NUDT3: variants seen among roughly 807,000 people sequenced by gnomAD.
NUDT3 encodes the protein nudix hydrolase 3, also known as diphosphoinositol polyphosphate phosphohydrolase 1.
Under a neutral mutation model 23.6 loss-of-function variants are expected in NUDT3, and 9 were observed. The observed-to-expected ratio is 0.38, with a 90% CI of 0.23 to 0.66. NUDT3 has a LOEUF of 0.66. NUDT3 is among the 30% of genes least tolerant of loss of function. NUDT3 has a pLI of 0.52. For synonymous variants in NUDT3, 86 were observed against 82.6 expected (o/e 1.04, Z -0.22); for missense variants, 172 against 218.5 (o/e 0.79, Z 1.34).
intron 1 of NUDT3, among the ~76,000 whole-genome samples, chr6:34,374,709 T>G (rs1186586209): frequency 1.3e-5 from 2 of 152,228 alleles, no homozygotes; most frequent in African/African-American, 4.8e-5. Context: ...CATTTCACTG[T>G]ATCATCATCA....
At position 34,282,306 on chromosome 6, in the gene NUDT3, A is replaced by G. The variant is rs10648; in HGVS notation, c.*6447T>C. On this transcript the variant is annotated 3_prime_UTR_variant, in exon 5 of 5. Coordinates refer to ENST00000607016, the MANE Select transcript of NUDT3 (RefSeq NM_006703.4). ...TTCAATTCAGCACCAAAGTGCTCAG[A>G]AAGACAGGCTCAGATCAGGACGACT... The G allele has an allele frequency of 0.097, 14,788 of 152,242 alleles. 819 individuals carry two copies. The highest frequency in any genetic ancestry group is 0.12 in the Non-Finnish European group (8,220 of 68,002). 9.4% of individuals were successfully genotyped at this position (152,242 alleles called of 1,614,324 possible).
intron 2 of NUDT3, among the ~76,000 whole-genome samples, chr6:34,338,243 G>A (rs919538938): frequency 6.6e-6 from 1 of 152,130 alleles, no homozygotes; most frequent in Non-Finnish European, 1.5e-5. Context: ...TCCCTTATGT[G>A]GGGATAACAT....
At chr6:34,312,096 C>T (rs1426928325) in intron 2 of NUDT3, among the ~76,000 whole-genome samples, 2 of 152,014 alleles carry the variant, frequency 1.3e-5, no homozygotes, top group Non-Finnish European at 2.9e-5. Context: ...AAATAGAAAA[C>T]ACCTATTAGG....
intron 2 of NUDT3, among the ~76,000 whole-genome samples, chr6:34,325,808 A>G (rs1396485893): frequency 6.6e-6 from 1 of 152,254 alleles, no homozygotes; most frequent in Non-Finnish European, 1.5e-5. Flanking sequence ...TCAAGTAAAA[A>G]TAAAGACACG....
chr6:34,387,097 A>G (rs1765118735), intron 1 of NUDT3, among the ~76,000 whole-genome samples: 1 of 152,210 alleles, frequency 6.6e-6, no homozygotes, highest in South Asian at 2.1e-4. Flanking sequence ...GCAACAGAGT[A>G]AGACCCTGTC....
chr6:34,359,749 G>C (rs932805133), intron 1 of NUDT3, among the ~76,000 whole-genome samples: 6 of 152,142 alleles, frequency 3.9e-5, no homozygotes, highest in African/African-American at 1.4e-4. Flanking sequence ...ACAAATGTTT[G>C]AGTACAAGCT....
chr6:34,361,674 T>C (rs544443488), intron 1 of NUDT3, among the ~76,000 whole-genome samples: 8 of 152,152 alleles, frequency 5.3e-5, no homozygotes, highest in Admixed American at 5.2e-4. Context: ...TACAACCACA[T>C]AAAGGAATAT....
chr6:34,320,857 A>G (rs952901813), intron 2 of NUDT3, among the ~76,000 whole-genome samples: 6 of 152,140 alleles, frequency 3.9e-5, no homozygotes, highest in African/African-American at 1.4e-4. Flanking sequence ...AATAGTCCAC[A>G]TTAAATATAC....
intron 2 of NUDT3, among the ~76,000 whole-genome samples, chr6:34,324,355 CAAA>C (rs771271813): frequency 1.6e-4 from 18 of 114,776 alleles, no homozygotes; most frequent in Non-Finnish European, 1.3e-4. Context: ...ACTACGCTTC[CAAA>C]AAAAAAAAAA....
intron 2 of NUDT3, among the ~76,000 whole-genome samples, chr6:34,320,182 C>CT (rs1246316959): frequency 6.6e-6 from 1 of 152,218 alleles, no homozygotes; most frequent in East Asian, 1.9e-4. Flanking sequence ...CAAAATGTTA[C>CT]TAGTGGCGAG....
At position 34,288,672 on chromosome 6, in the gene NUDT3, G is replaced by T. The variant is rs1763369140; in HGVS notation, c.*81C>A. The T allele has an allele frequency of 1.3e-6, 2 of 1,513,468 alleles. No homozygotes were observed. The highest frequency in any genetic ancestry group is 4.5e-5 in the Admixed American group (2 of 44,250). The allele number at this position is 1,513,468 out of a possible 1,614,324, so 93.8% of individuals were successfully genotyped here. The stretch of plus-strand genomic sequence containing the variant: ...ATTTGAAAGAGGAGGCCTGTGAGAA[G>T]TGGAAAGAGCCAGGGTGAGAGGGAA... On this transcript the variant is annotated 3_prime_UTR_variant, in exon 5 of 5. Transcript: ENST00000607016.
At position 34,366,477 on chromosome 6, in the gene NUDT3, G is replaced by A. The variant is rs1017913558; in HGVS notation, c.100-24505C>T. On this transcript the variant is annotated intron_variant, in intron 1 of 4. Transcript: ENST00000607016. Reference sequence around the variant, plus strand: ...GAGAGAGAAAGAGAGAGAGGGAAGGGAGGGAGGGAGGGAGGGAGGGAGGGA... The same window carrying A: ...GAGAGAGAAAGAGAGAGAGGGAAGGAAGGGAGGGAGGGAGGGAGGGAGGGA... Among the ~76,000 whole-genome samples, 172 of 72,534 alleles carry A rather than the reference G, an allele frequency of 2.4e-3. 1 individual carries two copies. Among genetic ancestry groups the A allele is most frequent in the Non-Finnish European group, 3.2e-3 (123 of 38,768 alleles). 47.6% of individuals were successfully genotyped at this position (72,534 alleles called of 152,430 possible).
rs575563857 is a variant in NUDT3, at chr6:34,372,542, C to T, written c.99+19722G>A. ...ACTTTGTGTCAGGTGCAGTTGCTCA[C>T]ACCTGTAATCCCAGCACTTTGAGAG... On this transcript the variant is annotated intron_variant, in intron 1 of 4. Transcript: ENST00000607016. Among the ~76,000 whole-genome samples the T allele has an allele frequency of 1.9e-4, 29 of 152,136 alleles. No individual in the cohort carries two copies. The Middle Eastern group carries it at 0.014, about 71-fold the overall frequency.
intron 2 of NUDT3, among the ~76,000 whole-genome samples, chr6:34,297,760 A>ATATATATTTTTTT (rs1763535832): frequency 1.9e-4 from 10 of 53,614 alleles, no homozygotes; most frequent in Non-Finnish European, 3.1e-4. Context: ...TATATATATA[A>ATATATATTTTTTT]TTTTTTTTTT....
In NUDT3 at chr6:34,321,048, G is replaced by T. The variant is rs141153160; in HGVS notation, c.210+20814C>A. ...CTAGCAGGAGGGACAGGAGGGAACC[G>T]CATGCATTATGTCAGATGTGTGGGG... On this transcript the variant is annotated intron_variant, in intron 2 of 4. Coordinates refer to ENST00000607016, the MANE Select transcript of NUDT3 (RefSeq NM_006703.4). Among the ~76,000 whole-genome samples, 206 of 152,220 alleles carry T rather than the reference G, an allele frequency of 1.4e-3. 1 individual carries two copies. The highest frequency in any genetic ancestry group is 4.5e-3 in the African/African-American group (186 of 41,534).
rs1018529512 is a variant in NUDT3, at chr6:34,325,348, A to G, written c.210+16514T>C. On this transcript the variant is annotated intron_variant, in intron 2 of 4. Transcript: ENST00000607016. ...CTCAGCCTCCTGAGTAGATGGAACT[A>G]TAAGTGCAAGCCACCATGTCTGGTT... 3.9e-5 allele frequency among the ~76,000 whole-genome samples: 6 copies of G among 152,236 alleles called. No individual in the cohort carries two copies. The South Asian group carries it at 1.0e-3, about 26-fold the overall frequency.
At chr6:34,385,046 C>T (rs1345157953) in intron 1 of NUDT3, among the ~76,000 whole-genome samples, 10 of 146,406 alleles carry the variant, frequency 6.8e-5, no homozygotes, top group Admixed American at 2.0e-4. Flanking sequence ...AAAAAAAAAA[C>T]TCAAAACAAG....
intron 1 of NUDT3, among the ~76,000 whole-genome samples, chr6:34,349,351 C>T (rs892877243): frequency 4.3e-5 from 6 of 139,670 alleles, no homozygotes; most frequent in African/African-American, 8.6e-5. Context: ...ACTGACAGGA[C>T]GTGGGAATAT....
intron 1 of NUDT3, among the ~76,000 whole-genome samples, chr6:34,359,138 C>G (rs1467127723): frequency 6.6e-6 from 1 of 152,068 alleles, no homozygotes; most frequent in Non-Finnish European, 1.5e-5. Flanking sequence ...CTTTGGGAGG[C>G]CGAGGTGGGC....
Sources: allele counts gnomAD v4.1 joint callset (sites outside exome capture counted in the v4.1 genomes callset), GRCh38; gene constraint gnomAD v4.1.1; transcripts MANE v1.5; gene names NCBI Gene and HGNC (gene_info 2026-07-23, HGNC 2026-07-21).